NAV2: variants seen among roughly 807,000 people sequenced by gnomAD.
NAV2 encodes the protein helicase, APC down-regulated 1.
NAV2 carries 54 observed loss-of-function variants against 223.2 expected under a neutral mutation model. The observed-to-expected ratio is 0.24, with a 90% CI of 0.19 to 0.30. NAV2 has a LOEUF of 0.30. Ranked by LOEUF, NAV2 falls within the 10% of genes least tolerant of loss-of-function variation. NAV2 has a pLI of 1.00. For missense variants in NAV2, 2,806 were observed against 3,147.5 expected (o/e 0.89, Z 2.60); for synonymous variants, 1,279 against 1,239.3 (o/e 1.03, Z -0.67).
intron 1 of NAV2, among the ~76,000 whole-genome samples, chr11:19,777,046 G>T (rs561098518): frequency 1.3e-5 from 2 of 151,728 alleles, no homozygotes; most frequent in African/African-American, 4.8e-5. Flanking sequence ...GTGCCACGCG[G>T]GGCGGCCCGC....
At chr11:19,432,948 A>C (rs1417807124) in intron 1 of NAV2, among the ~76,000 whole-genome samples, 1 of 152,212 alleles carries the variant, frequency 6.6e-6, no homozygotes, top group Admixed American at 6.5e-5. Context: ...CAGTGTCCTG[A>C]AGGCACTGAT....
chr11:20,024,440 G>A (rs2054841525), intron 11 of NAV2, among the ~76,000 whole-genome samples: 1 of 152,166 alleles, frequency 6.6e-6, no homozygotes, highest in African/African-American at 2.4e-5. Flanking sequence ...GCTGTGCCCT[G>A]GAACTCTGGG....
chr11:19,474,425 T>C (rs1246338800), intron 1 of NAV2, among the ~76,000 whole-genome samples: 1 of 152,256 alleles, frequency 6.6e-6, no homozygotes, highest in Admixed American at 6.5e-5. Context: ...GTGTACACTA[T>C]GATACAATTT....
Position 19,890,981 on chromosome 11 carries a change from C to A in NAV2, c.771-1453C>A, listed in dbSNP as rs188467858. On this transcript the variant is annotated intron_variant, in intron 5 of 37. Transcript: ENST00000349880. Reference sequence around the variant, plus strand: ...ACTTGTTGGGGGAAGAGCTAACCCCCTTCCTTCTCTCCCAGCTCCCAGTCA... The same window carrying A: ...ACTTGTTGGGGGAAGAGCTAACCCCATTCCTTCTCTCCCAGCTCCCAGTCA... Among the ~76,000 whole-genome samples the A allele has an allele frequency of 3.3e-5, 5 of 152,344 alleles. No individual in the cohort carries two copies. The East Asian group carries it at 9.6e-4, about 29-fold the overall frequency.
chr11:19,845,697 A>C (rs2060765713), intron 3 of NAV2, among the ~76,000 whole-genome samples: 1 of 152,130 alleles, frequency 6.6e-6, no homozygotes, highest in South Asian at 2.1e-4. Context: ...CACTCTTCCT[A>C]ACCCACTAGG....
intron 35 of NAV2, among the ~76,000 whole-genome samples, chr11:20,106,301 G>A (rs1326620035): frequency 7.0e-6 from 1 of 142,990 alleles, no homozygotes; most frequent in African/African-American, 2.6e-5. Flanking sequence ...GCTCATGCCT[G>A]TAATCTCAGC....
At chr11:19,902,092 G>C (rs924688219) in intron 6 of NAV2, among the ~76,000 whole-genome samples, 11 of 152,274 alleles carry the variant, frequency 7.2e-5, no homozygotes, top group Admixed American at 6.5e-4. Flanking sequence ...CCTGTTCAGA[G>C]GAAGGGCGAG....
chr11:19,508,431 T>C (rs1183250561), intron 1 of NAV2, among the ~76,000 whole-genome samples: 2 of 152,348 alleles, frequency 1.3e-5, no homozygotes, highest in East Asian at 3.9e-4. Flanking sequence ...TAATCCTATT[T>C]GGTTATTTAA....
chr11:19,897,264 G>A (rs947151316), intron 6 of NAV2, among the ~76,000 whole-genome samples: 9 of 152,120 alleles, frequency 5.9e-5, no homozygotes, highest in African/African-American at 2.2e-4. Context: ...GATAGCATTT[G>A]GAGATATACC....
chr11:19,479,643 T>C (rs993683209), intron 1 of NAV2, among the ~76,000 whole-genome samples: 8 of 152,188 alleles, frequency 5.3e-5, no homozygotes, highest in Non-Finnish European at 1.2e-4. Context: ...TGTAGGTCTT[T>C]CATAGAAAAT....
intron 1 of NAV2, among the ~76,000 whole-genome samples, chr11:19,718,125 G>A (rs1308750396): frequency 1.3e-5 from 2 of 150,716 alleles, no homozygotes; most frequent in Non-Finnish European, 2.9e-5. Flanking sequence ...ACCTTCCTGG[G>A]ACTGAGATAC....
intron 1 of NAV2, among the ~76,000 whole-genome samples, chr11:19,433,671 T>C (rs545515575): frequency 6.6e-6 from 1 of 152,366 alleles, no homozygotes; most frequent in African/African-American, 2.4e-5. Context: ...TGTTGAAGAA[T>C]GTTAGCTCCA....
intron 1 of NAV2, among the ~76,000 whole-genome samples, chr11:19,815,126 AG>A (rs1217456507): frequency 6.6e-6 from 1 of 152,186 alleles, no homozygotes; most frequent in Non-Finnish European, 1.5e-5. Flanking sequence ...TGAAAGGTGT[AG>A]GGAAAAAAAC....
chr11:19,657,677 G>A (rs1244355235), intron 1 of NAV2, among the ~76,000 whole-genome samples: 1 of 152,154 alleles, frequency 6.6e-6, no homozygotes, highest in Admixed American at 6.5e-5. Flanking sequence ...GGGAAAGACT[G>A]TGCTAATGTC....
chr11:19,819,995 C>A (rs2059288931), intron 1 of NAV2, among the ~76,000 whole-genome samples: 1 of 152,222 alleles, frequency 6.6e-6, no homozygotes, highest in Non-Finnish European at 1.5e-5. Context: ...TCCTAGGGAG[C>A]CTGTGCCTAG....
intron 1 of NAV2, among the ~76,000 whole-genome samples, chr11:19,816,854 C>T (rs1366818005): frequency 6.6e-6 from 1 of 152,036 alleles, no homozygotes; most frequent in Non-Finnish European, 1.5e-5. Context: ...ATTTTCAGGC[C>T]CTTCCGCCTC....
At chr11:20,087,654 A>T (rs1466750595) in intron 26 of NAV2, among the ~76,000 whole-genome samples, 1 of 152,238 alleles carries the variant, frequency 6.6e-6, no homozygotes, top group Non-Finnish European at 1.5e-5. Flanking sequence ...GTAGGGAAAA[A>T]CACACATAAG....
At chr11:19,468,011 T>C (rs1470967979) in intron 1 of NAV2, among the ~76,000 whole-genome samples, 4 of 151,888 alleles carry the variant, frequency 2.6e-5, no homozygotes, top group African/African-American at 9.7e-5. Flanking sequence ...AAGGGAGGCT[T>C]GGGTGGGCAG....
chr11:19,641,902 T>C lies in NAV2; in HGVS notation c.76-190582T>C, dbSNP rs576478930. Among the ~76,000 whole-genome samples, 100 of 152,284 alleles carry C rather than the reference T, an allele frequency of 6.6e-4. No homozygotes were observed. The South Asian group carries it at 0.02, about 31-fold the overall frequency. On this transcript the variant is annotated intron_variant, in intron 1 of 37. Coordinates refer to the NAV2 transcript ENST00000360655. Reference sequence around the variant, plus strand: ...ATATAATTTTTATTTATTTATACTTTGATCCATCTCTGCCATCCCTCCCAT... The same window carrying C: ...ATATAATTTTTATTTATTTATACTTCGATCCATCTCTGCCATCCCTCCCAT...
Sources: gnomAD v4.1 joint callset for allele counts (sites outside exome capture counted in the v4.1 genomes callset) on GRCh38, gnomAD v4.1.1 for gene constraint, MANE v1.5 for transcripts, NCBI Gene and HGNC (gene_info 2026-07-23, HGNC 2026-07-21) for gene names.